The following NOS1 variants were observed in gnomAD, a reference collection of about 807,000 sequenced individuals.
NOS1 encodes the protein NOS type I.
Under a neutral mutation model 164.5 loss-of-function variants are expected in NOS1, and 51 were observed. That is an observed-to-expected ratio of 0.31 (90% CI 0.25 to 0.39). The LOEUF is 0.39. NOS1 is among the 10% of genes least tolerant of loss of function. NOS1 has a pLI of 1.00. For synonymous variants in NOS1, 719 were observed against 745.8 expected (o/e 0.96, Z 0.59); for missense variants, 1,362 against 1,885.6 (o/e 0.72, Z 5.14).
chr12:117,244,181 CT>C (rs1169893493), intron 18 of NOS1, among the ~76,000 whole-genome samples: 301 of 144,164 alleles, frequency 2.1e-3, no homozygotes, highest in Middle Eastern at 3.7e-3. Context: ...ATACATTTTT[CT>C]TTTTTTTTTT....
In NOS1 at chr12:117,331,224, C is replaced by T; in HGVS notation, c.-155G>A. The T allele has an allele frequency of 1.1e-6, 1 of 917,902 alleles. No individual in the cohort carries two copies. Among genetic ancestry groups the T allele is most frequent in the South Asian group, 1.7e-5 (1 of 57,788 alleles). 56.9% of individuals were successfully genotyped at this position (917,902 alleles called of 1,614,324 possible). On this transcript the variant is annotated 5_prime_UTR_variant, in exon 2 of 29. Coordinates refer to ENST00000317775, the MANE Select transcript of NOS1 (RefSeq NM_000620.5). ...CTTCAGCCCTCTCTGTCTTTGACGT[C>T]AGCTCAGCGTCACCCACTCATGGCT...
Position 117,280,831 on chromosome 12 carries a change from C to CCTCTGGGGGCA in NOS1, c.1417_1418insTGCCCCCAGAG (p.Gly473ValfsTer96). On this transcript the variant is annotated frameshift_variant, in exon 8 of 29. Transcript: ENST00000317775. LOFTEE classifies it high-confidence loss of function. Reference sequence around the variant, plus strand: ...GTTCCAGACTCGGAAGTCGTGCTTGCCGTCTGTCCTCTGGGGGAATATGGT... The same window carrying CCTCTGGGGGCA: ...GTTCCAGACTCGGAAGTCGTGCTTGCCTCTGGGGGCACGTCTGTCCTCTGGGGGAATATGGT... 1 of 1,614,174 alleles carries CCTCTGGGGGCA rather than the reference C, an allele frequency of 6.2e-7. No homozygotes were observed. Among genetic ancestry groups the CCTCTGGGGGCA allele is most frequent in the Non-Finnish European group, 8.5e-7 (1 of 1,180,036 alleles).
intron 1 of NOS1, among the ~76,000 whole-genome samples, chr12:117,342,232 G>A (rs1367210836): frequency 6.6e-6 from 1 of 152,096 alleles, no homozygotes; most frequent in African/African-American, 2.4e-5. Context: ...AGGGCAGTCA[G>A]CGTGGAGCTT....
At chr12:117,279,961 G>C (rs907417518) in intron 8 of NOS1, among the ~76,000 whole-genome samples, 7 of 152,240 alleles carry the variant, frequency 4.6e-5, no homozygotes, top group Non-Finnish European at 8.8e-5. Context: ...GGAGGGGCTT[G>C]AGCAAAGGAC....
At chr12:117,337,533 A>T (rs1400376944) in intron 1 of NOS1, among the ~76,000 whole-genome samples, 1 of 152,148 alleles carries the variant, frequency 6.6e-6, no homozygotes, top group East Asian at 1.9e-4. Flanking sequence ...TCTGTAGCCT[A>T]CCATCCCTGG....
intron 26 of NOS1, among the ~76,000 whole-genome samples, chr12:117,221,199 C>A (rs1346613382): frequency 6.6e-6 from 1 of 151,554 alleles, no homozygotes; most frequent in African/African-American, 2.4e-5. Context: ...GTTGCCCAGG[C>A]TGGAGTGCAG....
At chr12:117,258,563 G>A (rs547739461) in intron 15 of NOS1, 108 bp from the exon 16 acceptor site, 19 of 1,129,538 alleles carry the variant, frequency 1.7e-5, no homozygotes, top group African/African-American at 3.0e-5. Context: ...ACTGATGCCC[G>A]GAGGCCAGGA....
chr12:117,321,477 G>A (rs533932120), intron 2 of NOS1, among the ~76,000 whole-genome samples: 27 of 152,200 alleles, frequency 1.8e-4, no homozygotes, highest in African/African-American at 4.3e-4. Flanking sequence ...TTTGGTGGGC[G>A]GGCAGGCTTA....
intron 3 of NOS1, among the ~76,000 whole-genome samples, chr12:117,296,141 C>G (rs927197751): frequency 7.9e-5 from 12 of 152,122 alleles, no homozygotes; most frequent in African/African-American, 2.9e-4. Context: ...TTGTTTTCTG[C>G]CTACCCACTG....
rs374309059 is a variant in NOS1, at chr12:117,243,300, G to T, written c.2959C>A (p.Gln987Lys). 3.1e-6 allele frequency: 5 copies of T among 1,614,082 alleles called. No homozygotes were observed. Among genetic ancestry groups the T allele is most frequent in the Non-Finnish European group, 3.4e-6 (4 of 1,179,986 alleles). Residue 987 changes from glutamine to lysine, a missense_variant, in exon 19 of 29, where the codon CAA becomes AAA. Transcript: ENST00000317775. The surrounding 1 kb of genome is among the most constrained non-coding windows in gnomAD (Gnocchi z 4.3). ...CTGGAAGGGTGGTGGGAGGTACCTT[G>T]TGTGAGTTCTGGAGCTTCGGCCACA... ...TFVAEAPELT[Q>K]GLSNVHKKRV...
chr12:117,208,161 T>C lies in NOS1; in HGVS notation c.*7148A>G, dbSNP rs951262780. ...GCCAAGTTGAATCCACTTTTTAATA[T>C]TGTAACCATAATGCAAACAAGCATA... is the stretch of plus-strand genomic sequence containing the variant. On this transcript the variant is annotated 3_prime_UTR_variant, in exon 29 of 29. Transcript: ENST00000317775. 9.8e-6 allele frequency: 8 copies of C among 816,858 alleles called. No homozygotes were observed. Among genetic ancestry groups the C allele is most frequent in the Non-Finnish European group, 1.3e-5 (8 of 599,250 alleles). The allele number at this position is 816,858 out of a possible 1,614,324, so 50.6% of individuals were successfully genotyped here.
intron 2 of NOS1, among the ~76,000 whole-genome samples, chr12:117,326,535 T>C (rs1479847331): frequency 6.6e-6 from 1 of 152,244 alleles, no homozygotes; most frequent in East Asian, 1.9e-4. Flanking sequence ...CACAGAGCCC[T>C]GTACTTGCTC....
At chr12:117,279,773 T>G (rs1873481170) in intron 8 of NOS1, among the ~76,000 whole-genome samples, 1 of 152,204 alleles carries the variant, frequency 6.6e-6, no homozygotes. Flanking sequence ...GCAGGGAGTC[T>G]GAGCCTGGCT....
Position 117,208,389 on chromosome 12 carries a change from A to AGTGTGTGTGTGTGTGTGTGT in NOS1, c.*6919_*6920insACACACACACACACACACAC, listed in dbSNP as rs1566016990. On this transcript the variant is annotated 3_prime_UTR_variant, in exon 29 of 29. Transcript: ENST00000317775. ...TAGGGGGGACGGCCGAGTTTCTGAC[A>AGTGTGTGTGTGTGTGTGTGT]GCGTGTGTGTGTGTGTGTGTGTGTG... 1.1e-6 allele frequency: 1 copy of AGTGTGTGTGTGTGTGTGTGT among 913,546 alleles called. No homozygotes were observed. The highest frequency in any genetic ancestry group is 6.7e-5 in the African/African-American group (1 of 14,894). 56.6% of individuals were successfully genotyped at this position (913,546 alleles called of 1,614,324 possible). A position where few individuals can be genotyped will look rare whatever the true frequency, so the allele number is the denominator to read the frequency against.
intron 20 of NOS1, among the ~76,000 whole-genome samples, chr12:117,235,660 T>G (rs1869646463): frequency 6.6e-6 from 1 of 152,236 alleles, no homozygotes; most frequent in African/African-American, 2.4e-5. Context: ...TCTGCATTGA[T>G]TTTTGTGTTT....
At chr12:117,218,704 GAAGC>G (rs943065685) in intron 27 of NOS1, among the ~76,000 whole-genome samples, 9 of 152,096 alleles carry the variant, frequency 5.9e-5, no homozygotes, top group Admixed American at 5.9e-4. Flanking sequence ...TGCCCAGAAA[GAAGC>G]AAGCAAAGAG....
In NOS1 at chr12:117,219,919, G is replaced by A. The variant is rs141701412; in HGVS notation, c.4170+156C>T. Among the ~76,000 whole-genome samples the A allele has an allele frequency of 3.3e-5, 5 of 152,210 alleles. No individual in the cohort carries two copies. The East Asian group carries it at 9.7e-4, about 29-fold the overall frequency. On this transcript the variant is annotated intron_variant, in intron 27 of 28. Coordinates refer to ENST00000317775, the MANE Select transcript of NOS1 (RefSeq NM_000620.5). The stretch of plus-strand genomic sequence containing the variant: ...TTCTACTTTCTCTGTCATTGTTTGG[G>A]ACCATCTATATCCTCTACCCTCAGT...
In NOS1 at chr12:117,279,269, C is replaced by T. The variant is rs1033410585; in HGVS notation, c.1525-1171G>A. ...GTGCGCATCTGTAGTCCCAGCTACT[C>T]AGGAGGCAGAGGCAGGGGAATTGCT... On this transcript the variant is annotated intron_variant, in intron 8 of 28. Coordinates refer to ENST00000317775, the MANE Select transcript of NOS1 (RefSeq NM_000620.5). Among the ~76,000 whole-genome samples, 5 of 151,938 alleles carry T rather than the reference C, an allele frequency of 3.3e-5. No individual in the cohort carries two copies. In the South Asian group the frequency reaches 8.3e-4, roughly 25 times the overall value.
In NOS1 at chr12:117,234,620, C is replaced by T. The variant is rs955465487; in HGVS notation, c.3180G>A (p.Pro1060=). 11 of 1,613,954 alleles carry T rather than the reference C, an allele frequency of 6.8e-6. No homozygotes were observed. Among genetic ancestry groups the T allele is most frequent in the African/African-American group, 1.3e-5 (1 of 74,928 alleles). Residue 1060 remains proline, a synonymous_variant, in exon 21 of 29, where the codon CCG becomes CCA. Coordinates refer to ENST00000317775, the MANE Select transcript of NOS1 (RefSeq NM_000620.5). The surrounding 1 kb of genome is among the most constrained non-coding windows in gnomAD (Gnocchi z 4.3). ...CCACTTTCACCATCTGGTTGACAGG[C>T]GGCGCGTCCTCCAGCCGCTCGATCA... ...NALIERLEDA[P]PVNQMVKVEL...
Sources: gnomAD v4.1 joint callset for allele counts (sites outside exome capture counted in the v4.1 genomes callset) on GRCh38, gnomAD v4.1.1 for gene constraint, Gnocchi (gnomAD v3.1) non-coding constraint, MANE v1.5 for transcripts, NCBI Gene and HGNC (gene_info 2026-07-23, HGNC 2026-07-21) for gene names.